The following PDE4D variants were observed in gnomAD, a reference collection of about 807,000 sequenced individuals.
PDE4D encodes phosphodiesterase 4D.
PDE4D carries 24 observed loss-of-function variants against 87.4 expected under a neutral mutation model. The observed-to-expected ratio is 0.27, with a 90% confidence interval of 0.20 to 0.39. The LOEUF (loss-of-function observed/expected upper bound fraction) is 0.39. PDE4D is among the 10% of genes least tolerant of loss of function. PDE4D has a pLI of 1.00. For synonymous variants in PDE4D, 384 were observed against 383.2 expected (o/e 1.00, Z -0.02); for missense variants, 714 against 1,041.0 (o/e 0.69, Z 4.32).
intron 1 of PDE4D, among the ~76,000 whole-genome samples, chr5:59,686,470 T>C (rs932659153): frequency 3.9e-5 from 6 of 152,164 alleles, no homozygotes; most frequent in East Asian, 3.9e-4. Context: ...TTATGCTATA[T>C]TGCCAAAACC....
chr5:59,063,089 G>C (rs113631175), intron 5 of PDE4D: 149 of 152,240 alleles, frequency 9.8e-4, no homozygotes, highest in African/African-American at 3.4e-3. Context: ...TTTCAGATTT[G>C]ATTGAAAATG....
intron 5 of PDE4D, chr5:59,125,148 G>T: frequency 3.5e-6 from 1 of 284,168 alleles, no homozygotes; most frequent in Non-Finnish European, 5.3e-6. Context: ...TTGCATTACA[G>T]CAGTTAGAAG....
chr5:60,377,665 G>A (rs1761533929), intron 1 of PDE4D, among the ~76,000 whole-genome samples: 2 of 152,074 alleles, frequency 1.3e-5, no homozygotes, highest in African/African-American at 4.8e-5. Flanking sequence ...TGATCCCAGA[G>A]GTAACTGACT....
chr5:59,730,680 G>T (rs1407840400), intron 1 of PDE4D, among the ~76,000 whole-genome samples: 2 of 152,010 alleles, frequency 1.3e-5, no homozygotes, highest in Non-Finnish European at 2.9e-5. Flanking sequence ...GGCTTCCAGG[G>T]TTTAATTTCA....
intron 1 of PDE4D, among the ~76,000 whole-genome samples, chr5:59,391,471 G>T (rs1198345566): frequency 3.9e-5 from 6 of 151,980 alleles, no homozygotes; most frequent in African/African-American, 1.5e-4. Context: ...AAGGATGATG[G>T]TAGTGAGAAC....
intron 1 of PDE4D, among the ~76,000 whole-genome samples, chr5:59,456,256 G>A (rs1375117533): frequency 2.6e-5 from 4 of 152,164 alleles, no homozygotes; most frequent in African/African-American, 9.7e-5. Flanking sequence ...CCCAGTGGGA[G>A]GTGATTCAAT....
intron 1 of PDE4D, among the ~76,000 whole-genome samples, chr5:59,372,635 C>T (rs924798945): frequency 2.0e-5 from 3 of 152,168 alleles, no homozygotes; most frequent in Admixed American, 1.3e-4. Flanking sequence ...CTGTGCCTGC[C>T]ACCACCCTAC....
intron 1 of PDE4D, among the ~76,000 whole-genome samples, chr5:60,222,907 A>C (rs1017133835): frequency 6.6e-6 from 1 of 152,178 alleles, no homozygotes; most frequent in African/African-American, 2.4e-5. Context: ...AAATAGAGGT[A>C]ACTGTGAGCT....
At chr5:60,332,421 T>C (rs1377722907) in intron 1 of PDE4D, among the ~76,000 whole-genome samples, 2 of 152,198 alleles carry the variant, frequency 1.3e-5, no homozygotes, top group Non-Finnish European at 2.9e-5. Context: ...CTACCACTAA[T>C]AAGTGAAAAG....
intron 1 of PDE4D, among the ~76,000 whole-genome samples, chr5:59,751,617 A>C (rs1412596579): frequency 1.7e-5 from 2 of 116,936 alleles, no homozygotes; most frequent in Non-Finnish European, 3.9e-5. Flanking sequence ...GTGTGATGTG[A>C]GAGCGAGCGA....
At chr5:60,419,458 T>C (rs1742902544) in intron 1 of PDE4D, among the ~76,000 whole-genome samples, 3 of 151,734 alleles carry the variant, frequency 2.0e-5, no homozygotes, top group African/African-American at 7.3e-5. Context: ...ATCTAAAATA[T>C]GTCTGAAAGG....
At chr5:59,017,679 A>G (rs1358132497) in intron 6 of PDE4D, among the ~76,000 whole-genome samples, 2 of 152,206 alleles carry the variant, frequency 1.3e-5, no homozygotes, top group African/African-American at 2.4e-5. Context: ...ATGTTTTTAG[A>G]ATAGTCCAAT....
chr5:59,490,546 T>G (rs1334418309), intron 1 of PDE4D, among the ~76,000 whole-genome samples: 1 of 152,200 alleles, frequency 6.6e-6, no homozygotes, highest in Non-Finnish European at 1.5e-5. Context: ...AAATAATCCA[T>G]GCAGGTAATT....
intron 1 of PDE4D, among the ~76,000 whole-genome samples, chr5:59,468,205 C>G (rs1304107236): frequency 6.6e-6 from 1 of 152,080 alleles, no homozygotes; most frequent in Non-Finnish European, 1.5e-5. Flanking sequence ...TGCACGGCAA[C>G]AATCCCTCCC....
intron 5 of PDE4D, among the ~76,000 whole-genome samples, chr5:59,131,862 C>A (rs996673717): frequency 2.0e-5 from 3 of 152,038 alleles, no homozygotes; most frequent in Non-Finnish European, 2.9e-5. Context: ...TTTTGAAATT[C>A]CAAAGTCTGG....
chr5:59,389,222 T>A (rs1160950951), intron 1 of PDE4D, among the ~76,000 whole-genome samples: 2 of 152,046 alleles, frequency 1.3e-5, no homozygotes, highest in Admixed American at 1.3e-4. Context: ...TCCTTTTTCA[T>A]TAACAGTTTT....
chr5:59,331,385 G>A (rs566633991), intron 1 of PDE4D, among the ~76,000 whole-genome samples: 65 of 152,144 alleles, frequency 4.3e-4, no homozygotes, highest in African/African-American at 1.5e-3. Context: ...TCTTCTCTGC[G>A]TGTGCGCGTG....
chr5:59,871,314 T>A (rs185830322), intron 1 of PDE4D, among the ~76,000 whole-genome samples: 3 of 152,188 alleles, frequency 2.0e-5, no homozygotes, highest in Admixed American at 1.3e-4. Flanking sequence ...GGTTAAGAAA[T>A]TGATTCTGCC....
intron 1 of PDE4D, among the ~76,000 whole-genome samples, chr5:60,307,408 A>G (rs1192877735): frequency 6.6e-6 from 1 of 152,182 alleles, no homozygotes; most frequent in East Asian, 1.9e-4. Context: ...GTAAGATTTT[A>G]GTATAAGTAA....
Sources: gnomAD v4.1 joint callset for allele counts (sites outside exome capture counted in the v4.1 genomes callset) on GRCh38, gnomAD v4.1.1 for gene constraint, MANE v1.5 for transcripts, NCBI Gene and HGNC (gene_info 2026-07-23, HGNC 2026-07-21) for gene names.